The following CPN2 variants were observed in gnomAD, a reference collection of about 807,000 sequenced individuals.
CPN2 encodes the protein carboxypeptidase N subunit 2.
For synonymous variants in CPN2, 336 were observed against 318.4 expected, an observed-to-expected ratio of 1.06 and a Z score of -0.59; for missense variants, 620 against 671.4, an observed-to-expected ratio of 0.92 and a Z score of 0.85.
rs1170980910 is a variant in CPN2 at position 194,342,608 on chromosome 3, T to A, written c.95A>T (p.Glu32Val). 2 of 1,613,842 alleles carry A rather than the reference T, an allele frequency of 1.2e-6. No homozygotes were observed. The highest frequency in any genetic ancestry group is 2.7e-5 in the African/African-American group (2 of 74,898). Residue 32 changes from glutamate to valine, a missense_variant, in exon 2 of 2, where the codon GAG (glutamate) becomes GTG (valine). By Grantham distance (121) the Glu-to-Val change is moderately radical. Transcript: ENST00000323830. ...AAGCTCCTCATCTGAGCAGAACACC[T>A]CCTGGACGAAGCAGTCACAACCCAT... Reference protein sequence around the residue: ...CPMGCDCFVQEVFCSDEELAT... With the variant: ...CPMGCDCFVQVVFCSDEELAT...
chr3:194,346,586 G>A (rs570347705), intron 1 of CPN2, among the ~76,000 whole-genome samples: 12 of 152,312 alleles, frequency 7.9e-5, no homozygotes, highest in African/African-American at 2.9e-4. Flanking sequence ...CTCCCCTCCA[G>A]CTTAGCTCTG....
intron 1 of CPN2, among the ~76,000 whole-genome samples, chr3:194,346,742 T>C (rs980548006): frequency 6.6e-6 from 1 of 152,212 alleles, no homozygotes; most frequent in Non-Finnish European, 1.5e-5. Context: ...GCCTGGCACA[T>C]GGCAAATGCG....
In CPN2 at chr3:194,341,688, A is replaced by G. The variant is rs199513160; in HGVS notation, c.1015T>C (p.Leu339=). Residue 339 remains leucine, a synonymous_variant, in exon 2 of 2, where the codon TTG becomes CTG. Coordinates refer to ENST00000323830, the MANE Select transcript of CPN2 (RefSeq NM_001080513.4). ...PAGIFRDLEE[L]VKLYLGSNNL... ...TTGCTGCCCAGGTAGAGTTTGACCA[A>G]CTCCTCCAGGTCTCTGAAGATGCCA... 2 of 1,613,570 alleles carry G rather than the reference A, an allele frequency of 1.2e-6. No homozygotes were observed. The highest frequency in any genetic ancestry group is 1.7e-6 in the Non-Finnish European group (2 of 1,179,940).
Position 194,342,220 on chromosome 3 carries a change from G to A in CPN2, c.483C>T (p.Pro161=). Residue 161 remains proline, a synonymous_variant, in exon 2 of 2, where the codon CCC becomes CCT. Transcript: ENST00000323830. ...GGGTCAGAGGCTGGAAGAGCCTCCT[G>A]GGCAGGGCCTGGAGCTGGTTCCCCT... The part of the protein sequence containing the change: ...HLQGNQLQAL[P]RRLFQPLTHL... 1 of 1,613,988 alleles carries A rather than the reference G, an allele frequency of 6.2e-7. No homozygotes were observed. Among genetic ancestry groups the A allele is most frequent in the Non-Finnish European group, 8.5e-7 (1 of 1,179,940 alleles).
rs1308722613 is a variant in CPN2, at chr3:194,342,095, TTG to T, written c.606_607del (p.Asn202LysfsTer64). On this transcript the variant is annotated frameshift_variant, in exon 2 of 2. Coordinates refer to ENST00000323830, the MANE Select transcript of CPN2 (RefSeq NM_001080513.4). LOFTEE classifies it low-confidence loss of function (END_TRUNC). ...ACCCTGGGGGAGACCAGAGAGCGCG[TTG>T]TTGCTCAGCTTCAGGGTCTGCAGGC... The T allele has an allele frequency of 1.2e-6, 2 of 1,613,830 alleles. No individual in the cohort carries two copies. The highest frequency in any genetic ancestry group is 2.7e-5 in the African/African-American group (2 of 74,832).
chr3:194,342,496 A>G lies in CPN2; in HGVS notation c.207T>C (p.Phe69=), dbSNP rs755587492. The stretch of plus-strand genomic sequence containing the variant: ...CCTTGGTCAAGTTGGGGTTACTGCC[A>G]AAAGCTCTGGTTTCCAATGTGGTGA... ...TSFTTLETRA[F]GSNPNLTKVV... Residue 69 remains phenylalanine (F), a synonymous_variant, in exon 2 of 2, where the codon TTT becomes TTC. Transcript: ENST00000323830. The G allele has an allele frequency of 2.8e-5, 45 of 1,614,108 alleles. No individual in the cohort carries two copies. The highest frequency in any genetic ancestry group is 3.7e-5 in the Non-Finnish European group (44 of 1,180,030).
At chr3:194,350,382 T>C (rs1188297445) in intron 1 of CPN2, among the ~76,000 whole-genome samples, 2 of 152,222 alleles carry the variant, frequency 1.3e-5, no homozygotes, top group African/African-American at 2.4e-5. Context: ...GAAAGCACTT[T>C]AGCTCCGCCA....
intron 1 of CPN2, among the ~76,000 whole-genome samples, chr3:194,345,106 T>C (rs1712998885): frequency 1.3e-5 from 2 of 152,348 alleles, no homozygotes; most frequent in Middle Eastern, 3.4e-3. Flanking sequence ...TGGGTTTTCA[T>C]GGCAGTCTTT....
At chr3:194,345,386 G>T (rs1418710085) in intron 1 of CPN2, among the ~76,000 whole-genome samples, 2 of 152,192 alleles carry the variant, frequency 1.3e-5, no homozygotes, top group Non-Finnish European at 2.9e-5. Flanking sequence ...GAGTGCAGTG[G>T]CACGATCATA....
rs766290460 is a variant in CPN2 at position 194,341,309 on chromosome 3, C to G, written c.1394G>C (p.Gly465Ala). The change falls in exon 2 of 2, where the codon GGG (glycine) becomes GCG (alanine). Residue 465 changes from glycine (G) to alanine (A), a missense_variant. Physicochemically the swap from Gly to Ala is moderately conservative, Grantham distance 60. Transcript: ENST00000323830. ...QVTWPDESKA[G>A]GSWDLAVQER... ...CTGCACAGCCAGATCCCAGCTGCCC[C>G]CTGCCTTGCTTTCGTCCGGCCACGT... 6.2e-7 allele frequency: 1 copy of G among 1,613,714 alleles called. No individual in the cohort carries two copies. Among genetic ancestry groups the G allele is most frequent in the East Asian group, 2.2e-5 (1 of 44,870 alleles).
rs1712844487 is a variant in CPN2, at chr3:194,341,868, C to T, written c.835G>A (p.Val279Ile). 2 of 1,614,082 alleles carry T rather than the reference C, an allele frequency of 1.2e-6. No individual in the cohort carries two copies. Among genetic ancestry groups the T allele is most frequent in the Admixed American group, 3.3e-5 (2 of 60,024 alleles). Residue 279 changes from valine (V) to isoleucine (I), a missense_variant, in exon 2 of 2, where the codon GTC becomes ATC. Val to Ile is a conservative substitution (Grantham distance 29). Coordinates refer to ENST00000323830, the MANE Select transcript of CPN2 (RefSeq NM_001080513.4). The part of the protein sequence containing the change: ...FLSLQWNMLR[V>I]LPAGLFAHTP... ...TGGGCAAAGAGGCCGGCAGGCAGGA[C>T]CCGAAGCATGTTCCACTGCAAGCTC...
chr3:194,350,560 G>C (rs566529153), intron 1 of CPN2, among the ~76,000 whole-genome samples: 2 of 152,188 alleles, frequency 1.3e-5, no homozygotes, highest in Non-Finnish European at 2.9e-5. Context: ...AAATAAGATA[G>C]TAAATAGAAA....
intron 1 of CPN2, among the ~76,000 whole-genome samples, chr3:194,348,414 G>A (rs980626540): frequency 2.0e-5 from 3 of 152,044 alleles, no homozygotes; most frequent in Non-Finnish European, 4.4e-5. Context: ...GAACGACCAT[G>A]ATAACAATAA....
chr3:194,349,960 T>C (rs1012375110), intron 1 of CPN2, among the ~76,000 whole-genome samples: 3 of 151,462 alleles, frequency 2.0e-5, no homozygotes, highest in Non-Finnish European at 4.4e-5. Flanking sequence ...TGCCACCACA[T>C]CTGGCTAATT....
At chr3:194,348,331 C>A (rs73892320) in intron 1 of CPN2, among the ~76,000 whole-genome samples, 3,343 of 19,704 alleles carry the variant, frequency 0.17, 1,065 homozygotes, top group East Asian at 0.43. Flanking sequence ...TTCAGCCCAC[C>A]CCATCCTCTG....
In CPN2 at chr3:194,341,732, G is replaced by A. The variant is rs1440083642; in HGVS notation, c.971C>T (p.Ala324Val). The change falls in exon 2 of 2, where the codon GCC (alanine) becomes GTC (valine). Residue 324 changes from alanine to valine, a missense_variant. Physicochemically the swap from Ala to Val is moderately conservative, Grantham distance 64 (BLOSUM62 0). Transcript: ENST00000323830. Reference protein sequence around the residue: ...NLRSLMLSYNAITHLPAGIFR... With the variant: ...NLRSLMLSYNVITHLPAGIFR... ...GATGCCAGCTGGGAGGTGGGTAATG[G>A]CATTGTATGAGAGCATGAGGGAACG... 3 of 1,613,984 alleles carry A rather than the reference G, an allele frequency of 1.9e-6. No individual in the cohort carries two copies. Among genetic ancestry groups the A allele is most frequent in the South Asian group, 2.2e-5 (2 of 91,088 alleles).
chr3:194,349,969 T>C (rs1713207444), intron 1 of CPN2, among the ~76,000 whole-genome samples: 1 of 151,692 alleles, frequency 6.6e-6, no homozygotes, highest in Admixed American at 6.6e-5. Flanking sequence ...ATCTGGCTAA[T>C]TTTTGTATTT....
chr3:194,341,653 C>T lies in CPN2; in HGVS notation c.1050G>A (p.Thr350=), dbSNP rs765395055. ...VKLYLGSNNL[T]ALHPALFQNL... ...TCTGGAAGAGGGCTGGGTGCAGCGC[C>T]GTAAGGTTGTTGCTGCCCAGGTAGA... Residue 350 remains threonine, a synonymous_variant, in exon 2 of 2, where the codon ACG becomes ACA. Transcript: ENST00000323830. 8.1e-6 allele frequency: 13 copies of T among 1,614,002 alleles called. No homozygotes were observed. Among genetic ancestry groups the T allele is most frequent in the Middle Eastern group, 1.6e-4 (1 of 6,084 alleles).
chr3:194,341,448 T>C lies in CPN2; in HGVS notation c.1255A>G (p.Asn419Asp). ...WLQQYTDRLL[N>D]IQTYCAGPAY... ...GGGCCAGCGCAGTAGGTCTGGATGT[T>C]CAGGAGCCGATCGGTGTACTGCTGC... The change falls in exon 2 of 2, where the codon AAC (asparagine) becomes GAC (aspartate). Residue 419 changes from asparagine to aspartate, a missense_variant. Transcript: ENST00000323830. 1 of 1,614,148 alleles carries C rather than the reference T, an allele frequency of 6.2e-7. No homozygotes were observed. Among genetic ancestry groups the C allele is most frequent in the Non-Finnish European group, 8.5e-7 (1 of 1,180,036 alleles).
Sources: allele counts gnomAD v4.1 joint callset (sites outside exome capture counted in the v4.1 genomes callset), GRCh38; gene constraint gnomAD v4.1.1; transcripts MANE v1.5; gene names NCBI Gene and HGNC (gene_info 2026-07-23, HGNC 2026-07-21).